ERBB4: variants seen among roughly 807,000 people sequenced by gnomAD.
The protein encoded by ERBB4 is receptor tyrosine-protein kinase erbB-4.
In ERBB4, 42 loss-of-function variants were observed where a neutral mutation model predicts 158.0. That is an observed-to-expected ratio of 0.27 (90% CI 0.21 to 0.34). ERBB4 has a LOEUF of 0.34. Ranked by LOEUF, ERBB4 falls within the 10% of genes least tolerant of loss-of-function variation. ERBB4 has a pLI of 1.00. For missense variants in ERBB4, 1,333 were observed against 1,624.1 expected, an observed-to-expected ratio of 0.82 and a Z score of 3.08; for synonymous variants, 583 against 558.7, an observed-to-expected ratio of 1.04 and a Z score of -0.61.
intron 1 of ERBB4, among the ~76,000 whole-genome samples, chr2:212,367,858 A>G (rs1162267553): frequency 6.6e-6 from 1 of 152,148 alleles, no homozygotes; most frequent in Non-Finnish European, 1.5e-5. Context: ...TGATCAAGGA[A>G]ATGCAAATCA....
At chr2:212,281,794 T>C (rs1012982366) in intron 1 of ERBB4, among the ~76,000 whole-genome samples, 1 of 151,960 alleles carries the variant, frequency 6.6e-6, no homozygotes, top group Admixed American at 6.6e-5. Flanking sequence ...TCTGAGCCTA[T>C]ATGTGTGACA....
chr2:211,511,399 A>G (rs967488166), intron 20 of ERBB4, among the ~76,000 whole-genome samples: 1 of 152,086 alleles, frequency 6.6e-6, no homozygotes, highest in African/African-American at 2.4e-5. Flanking sequence ...AAATACAGAC[A>G]GATATATTAC....
At chr2:211,629,394 A>G (rs185311695) in intron 17 of ERBB4, among the ~76,000 whole-genome samples, 3,270 of 152,258 alleles carry the variant, frequency 0.021, 105 homozygotes, top group African/African-American at 0.075. Context: ...ATGAAATAAA[A>G]GAGGACACAA....
chr2:212,307,584 C>G (rs754313347), intron 1 of ERBB4, among the ~76,000 whole-genome samples: 5 of 150,606 alleles, frequency 3.3e-5, no homozygotes, highest in Admixed American at 6.7e-5. Context: ...ACAAGGTTTT[C>G]GATTTCTAAT....
rs528650715 is a variant in ERBB4 at position 211,806,411 on chromosome 2, A to G, written c.422-18252T>C. On this transcript the variant is annotated intron_variant, in intron 3 of 27. Coordinates refer to ENST00000342788, the MANE Select transcript of ERBB4 (RefSeq NM_005235.3). ...ATCAAACCATCACTAAATTATGAGTATAGAAGGAGACATTTTGATATTCAA... is the reference window on the plus strand; with the variant it reads ...ATCAAACCATCACTAAATTATGAGTGTAGAAGGAGACATTTTGATATTCAA... 2.6e-5 allele frequency among the ~76,000 whole-genome samples: 4 copies of G among 152,326 alleles called. No homozygotes were observed. In the South Asian group the frequency reaches 6.2e-4, roughly 24 times the overall value.
At chr2:212,262,139 G>T (rs1340981380) in intron 1 of ERBB4, among the ~76,000 whole-genome samples, 1 of 151,972 alleles carries the variant, frequency 6.6e-6, no homozygotes, top group Non-Finnish European at 1.5e-5. Context: ...TGAAGATTTT[G>T]CAAAATCATT....
At chr2:211,436,818 C>T (rs187373352) in intron 20 of ERBB4, among the ~76,000 whole-genome samples, 9 of 152,088 alleles carry the variant, frequency 5.9e-5, no homozygotes, top group African/African-American at 1.7e-4. Context: ...ATAATTCACC[C>T]GAAGATGCTG....
intron 20 of ERBB4, among the ~76,000 whole-genome samples, chr2:211,515,912 A>ATATATATATATATATATATTTTTTTTTT (rs35696520): frequency 1.3e-5 from 1 of 78,976 alleles, no homozygotes; most frequent in African/African-American, 5.7e-5. Context: ...ATATATATAT[A>ATATATATATATATATATATTTTTTTTTT]TTTTTTTTTT....
At chr2:211,745,526 C>A (rs1436847496) in intron 5 of ERBB4, among the ~76,000 whole-genome samples, 1 of 152,018 alleles carries the variant, frequency 6.6e-6, no homozygotes, top group African/African-American at 2.4e-5. Context: ...CAAGGTGGAA[C>A]TGGCCTACAG....
intron 1 of ERBB4, among the ~76,000 whole-genome samples, chr2:212,151,128 A>C (rs1178898538): frequency 1.3e-5 from 2 of 152,050 alleles, no homozygotes; most frequent in Non-Finnish European, 2.9e-5. Flanking sequence ...TGCTTAAATA[A>C]ATGCATCTGT....
At chr2:211,646,314 A>G (rs2070781180) in intron 16 of ERBB4, among the ~76,000 whole-genome samples, 1 of 151,532 alleles carries the variant, frequency 6.6e-6, no homozygotes, top group Admixed American at 6.6e-5. Context: ...ATTAATCTTA[A>G]AAAACAGAAA....
At chr2:212,057,421 C>A (rs1355919234) in intron 2 of ERBB4, among the ~76,000 whole-genome samples, 1 of 152,132 alleles carries the variant, frequency 6.6e-6, no homozygotes, top group Non-Finnish European at 1.5e-5. Flanking sequence ...AGCTCTGCAC[C>A]AAGTGGACCT....
intron 5 of ERBB4, among the ~76,000 whole-genome samples, chr2:211,743,518 A>G (rs2074863026): frequency 6.6e-6 from 1 of 152,204 alleles, no homozygotes; most frequent in African/African-American, 2.4e-5. Flanking sequence ...TGTGCTTCAT[A>G]TATCTTGCAG....
chr2:211,659,260 G>A (rs767768605), intron 15 of ERBB4, among the ~76,000 whole-genome samples: 1 of 151,818 alleles, frequency 6.6e-6, no homozygotes, highest in African/African-American at 2.4e-5. Context: ...TTGGAGTAGC[G>A]CAGACAAATT....
chr2:211,848,439 A>T (rs2077641380), intron 3 of ERBB4, among the ~76,000 whole-genome samples: 1 of 152,098 alleles, frequency 6.6e-6, no homozygotes, highest in South Asian at 2.1e-4. Flanking sequence ...GAGTAAAATG[A>T]CACAAGTCCA....
At chr2:211,840,542 C>T (rs1353379456) in intron 3 of ERBB4, among the ~76,000 whole-genome samples, 2 of 151,960 alleles carry the variant, frequency 1.3e-5, no homozygotes, top group Non-Finnish European at 2.9e-5. Context: ...TAAACTTAAC[C>T]TCACAAAAAG....
intron 14 of ERBB4, among the ~76,000 whole-genome samples, chr2:211,666,414 A>C (rs1422029264): frequency 6.6e-6 from 1 of 152,162 alleles, no homozygotes; most frequent in Non-Finnish European, 1.5e-5. Flanking sequence ...TAACTTTCTA[A>C]TATGTGGAAT....
Position 211,774,342 on chromosome 2 carries a change from G to GA in ERBB4, c.556+13682dup, listed in dbSNP as rs373055525. ...CTGCCTCGGCCTCCCAAAGTGCTGG[G>GA]ATTACAGGTGTGAGCCACTGCGCCA... is the stretch of plus-strand genomic sequence containing the variant. On this transcript the variant is annotated intron_variant, in intron 4 of 27. Coordinates refer to ENST00000342788, the MANE Select transcript of ERBB4 (RefSeq NM_005235.3). Among the ~76,000 whole-genome samples, 54 of 152,228 alleles carry GA rather than the reference G, an allele frequency of 3.5e-4. 1 individual carries two copies. The highest frequency in any genetic ancestry group is 1.3e-3 in the African/African-American group (53 of 41,546).
chr2:211,598,160 C>T (rs906970748), intron 19 of ERBB4, among the ~76,000 whole-genome samples: 2 of 152,068 alleles, frequency 1.3e-5, no homozygotes, highest in African/African-American at 2.4e-5. Flanking sequence ...CATCTCTCCA[C>T]GTCCTCCTCC....
Sources: allele counts gnomAD v4.1 joint callset (sites outside exome capture counted in the v4.1 genomes callset), GRCh38; gene constraint gnomAD v4.1.1; transcripts MANE v1.5; gene names NCBI Gene and HGNC (gene_info 2026-07-23, HGNC 2026-07-21).